RNF169: variants seen among roughly 807,000 people sequenced by gnomAD.
RNF169 encodes ring finger protein 169.
A neutral mutation model predicts 53.9 loss-of-function variants in RNF169; 24 were observed. The ratio of observed to expected loss-of-function variants is 0.45; its 90% confidence interval spans 0.32 to 0.63. The LOEUF (loss-of-function observed/expected upper bound fraction) is 0.63. Ranked by LOEUF, RNF169 falls within the 20% of genes least tolerant of loss-of-function variation. RNF169 has a pLI of 0.04. For missense variants in RNF169, 883 were observed against 906.2 expected, an observed-to-expected ratio of 0.97 and a Z score of 0.33; for synonymous variants, 396 against 363.5, an observed-to-expected ratio of 1.09 and a Z score of -1.02.
At chr11:74,825,408 TA>T (rs1387367822) in intron 4 of RNF169, among the ~76,000 whole-genome samples, 2 of 152,046 alleles carry the variant, frequency 1.3e-5, no homozygotes, top group Non-Finnish European at 2.9e-5. Flanking sequence ...GGAATGAAAA[TA>T]AAAACCTTCC....
intron 2 of RNF169, among the ~76,000 whole-genome samples, chr11:74,794,997 G>A (rs754457943): frequency 3.9e-5 from 6 of 151,960 alleles, no homozygotes; most frequent in Non-Finnish European, 8.8e-5. Context: ...TAGAGATGAG[G>A]GTCTTGCTGT....
chr11:74,804,398 C>T (rs965746844), intron 2 of RNF169, among the ~76,000 whole-genome samples: 11 of 152,116 alleles, frequency 7.2e-5, no homozygotes, highest in African/African-American at 2.2e-4. Context: ...AAATGGAGAA[C>T]GATAAACTAT....
chr11:74,809,240 ACAT>A (rs1192237355), intron 2 of RNF169, among the ~76,000 whole-genome samples: 1 of 152,198 alleles, frequency 6.6e-6, no homozygotes, highest in East Asian at 1.9e-4. Context: ...GCTTTGATAT[ACAT>A]CATCTTATTT....
intron 1 of RNF169, among the ~76,000 whole-genome samples, chr11:74,762,151 C>G (rs990367524): frequency 1.3e-5 from 2 of 150,398 alleles, no homozygotes; most frequent in Non-Finnish European, 3.0e-5. Context: ...GTTTTCAGCT[C>G]CATCAGCTCC....
intron 1 of RNF169, among the ~76,000 whole-genome samples, chr11:74,774,082 G>T (rs1321398772): frequency 6.6e-6 from 1 of 152,174 alleles, no homozygotes; most frequent in Non-Finnish European, 1.5e-5. Flanking sequence ...GCTCATGCCT[G>T]TAATCCCAGC....
intron 1 of RNF169, among the ~76,000 whole-genome samples, chr11:74,786,482 C>T (rs550635589): frequency 4.6e-5 from 7 of 151,996 alleles, no homozygotes; most frequent in South Asian, 2.1e-4. Context: ...AGGCTGGTCT[C>T]GAACATTTGA....
chr11:74,830,059 A>G (rs1274242344), intron 4 of RNF169, among the ~76,000 whole-genome samples: 1 of 152,224 alleles, frequency 6.6e-6, no homozygotes, highest in Non-Finnish European at 1.5e-5. Flanking sequence ...AAACTTACTG[A>G]ATGTAATGAA....
intron 1 of RNF169, among the ~76,000 whole-genome samples, chr11:74,781,147 C>T (rs139301807): frequency 2.0e-5 from 3 of 152,298 alleles, no homozygotes; most frequent in Admixed American, 1.3e-4. Context: ...AAGATAGGCT[C>T]GGGAAACACT....
chr11:74,810,765 T>A (rs1271116923), intron 3 of RNF169, among the ~76,000 whole-genome samples: 2 of 152,214 alleles, frequency 1.3e-5, no homozygotes, highest in Non-Finnish European at 2.9e-5. Context: ...TAGGTTTAGA[T>A]ACTTAGTCTA....
chr11:74,777,923 A>G (rs2035361101), intron 1 of RNF169, among the ~76,000 whole-genome samples: 1 of 152,172 alleles, frequency 6.6e-6, no homozygotes, highest in South Asian at 2.1e-4. Flanking sequence ...TACCACGTCC[A>G]GCCTCAACTG....
chr11:74,795,942 C>T (rs1034366470), intron 2 of RNF169, among the ~76,000 whole-genome samples: 6 of 152,168 alleles, frequency 3.9e-5, no homozygotes, highest in African/African-American at 1.4e-4. Flanking sequence ...CTTACTCTCT[C>T]GACAACAGTA....
chr11:74,817,659 C>A lies in RNF169; in HGVS notation c.787C>A (p.His263Asn). The change falls in exon 4 of 6, where the codon CAT becomes AAT. Residue 263 changes from histidine to asparagine, a missense_variant. His to Asn is a moderately conservative substitution (Grantham distance 68). This residue lies in a region of RNF169 where 219 missense variants were observed against 289.1 expected (regional missense o/e 0.76). Coordinates refer to ENST00000299563, the MANE Select transcript of RNF169 (RefSeq NM_001098638.2). ...EPSRGQMTQT[H>N]RSAFVSKNNS... ...TTCTCGAGGCCAGATGACACAGACA[C>A]ATCGCTCGGCATTTGTTTCCAAGAA... The A allele has an allele frequency of 6.2e-7, 1 of 1,614,034 alleles. No individual in the cohort carries two copies. The highest frequency in any genetic ancestry group is 8.5e-7 in the Non-Finnish European group (1 of 1,179,908).
intron 4 of RNF169, among the ~76,000 whole-genome samples, chr11:74,833,388 T>G (rs2036207631): frequency 1.3e-5 from 2 of 152,202 alleles, no homozygotes; most frequent in African/African-American, 4.8e-5. Context: ...ATAATTTCTG[T>G]TTGAGATCAT....
intron 1 of RNF169, among the ~76,000 whole-genome samples, chr11:74,773,464 C>G (rs960612643): frequency 3.3e-5 from 5 of 152,050 alleles, no homozygotes; most frequent in Non-Finnish European, 5.9e-5. Flanking sequence ...ATTGTATAAG[C>G]TAAATACGAA....
At chr11:74,768,522 G>A (rs771349108) in intron 1 of RNF169, among the ~76,000 whole-genome samples, 6 of 151,700 alleles carry the variant, frequency 4.0e-5, no homozygotes, top group South Asian at 2.1e-4. Context: ...CAGGAGATTC[G>A]CTTTAACCTG....
At chr11:74,819,881 A>G (rs540316922) in intron 4 of RNF169, among the ~76,000 whole-genome samples, 1 of 152,318 alleles carries the variant, frequency 6.6e-6, no homozygotes, top group South Asian at 2.1e-4. Context: ...AACCGTAGCT[A>G]CATTGTTTTG....
chr11:74,809,767 C>G (rs900878128), intron 2 of RNF169, among the ~76,000 whole-genome samples: 1 of 152,220 alleles, frequency 6.6e-6, no homozygotes, highest in Non-Finnish European at 1.5e-5. Flanking sequence ...TTAAGTCACT[C>G]TTTTGTTGCC....
At chr11:74,808,894 C>G (rs574470661) in intron 2 of RNF169, among the ~76,000 whole-genome samples, 7 of 152,096 alleles carry the variant, frequency 4.6e-5, no homozygotes, top group African/African-American at 1.4e-4. Context: ...CTCCGTGTTC[C>G]TGTTTGGATT....
rs1202171855 is a variant in RNF169 at position 74,841,096 on chromosome 11, T to C, written c.*4366T>C. On this transcript the variant is annotated 3_prime_UTR_variant, in exon 6 of 6. Transcript: ENST00000299563. ...ATCTTGGAAAGTGATATATTTTGAT[T>C]GGAATAATTTTAATTAAATTTAATG... 1.3e-5 allele frequency: 2 copies of C among 152,178 alleles called. No individual in the cohort carries two copies. Among genetic ancestry groups the C allele is most frequent in the African/African-American group, 4.8e-5 (2 of 41,438 alleles). 9.4% of individuals were successfully genotyped at this position (152,178 alleles called of 1,614,324 possible).
Sources: allele counts gnomAD v4.1 joint callset (sites outside exome capture counted in the v4.1 genomes callset), GRCh38; gene constraint gnomAD v4.1.1; regional missense constraint gnomAD v4.1.1; transcripts MANE v1.5; gene names NCBI Gene and HGNC (gene_info 2026-07-23, HGNC 2026-07-21).